PPP2R2C: variants seen among roughly 807,000 people sequenced by gnomAD.
The protein encoded by PPP2R2C is protein phosphatase 2, regulatory subunit B, gamma.
In PPP2R2C, 10 loss-of-function variants were observed where a neutral mutation model predicts 45.3. The ratio of observed to expected loss-of-function variants is 0.22; its 90% CI spans 0.14 to 0.37. PPP2R2C has a LOEUF of 0.37. Ranked by LOEUF, PPP2R2C falls within the 10% of genes least tolerant of loss-of-function variation. The pLI is 1.00. For missense variants in PPP2R2C, 308 were observed against 619.7 expected (o/e 0.50, Z 5.34); for synonymous variants, 257 against 245.4 (o/e 1.05, Z -0.44).
At chr4:6,448,739 C>T (rs1355459157) in intron 1 of PPP2R2C, among the ~76,000 whole-genome samples, 2 of 152,278 alleles carry the variant, frequency 1.3e-5, no homozygotes, top group Middle Eastern at 3.4e-3. Flanking sequence ...TCGTCACCCG[C>T]AAGCCCCTTT....
intron 1 of PPP2R2C, among the ~76,000 whole-genome samples, chr4:6,547,680 C>T (rs1275267805): frequency 2.0e-5 from 3 of 152,144 alleles, no homozygotes; most frequent in Non-Finnish European, 4.4e-5. Context: ...GGATAAAGGA[C>T]CCAGCGTCTG....
intron 1 of PPP2R2C, among the ~76,000 whole-genome samples, chr4:6,432,341 G>A (rs1392539967): frequency 6.6e-6 from 1 of 152,192 alleles, no homozygotes; most frequent in Non-Finnish European, 1.5e-5. Context: ...TGGACTGAAG[G>A]CCCCTCGACT....
At chr4:6,421,616 G>A (rs1718973635) in intron 1 of PPP2R2C, among the ~76,000 whole-genome samples, 1 of 152,116 alleles carries the variant, frequency 6.6e-6, no homozygotes, top group Admixed American at 6.6e-5. Context: ...TGGACCACAA[G>A]ACGATAAACC....
intron 1 of PPP2R2C, among the ~76,000 whole-genome samples, chr4:6,406,284 C>G (rs927625738): frequency 7.2e-5 from 11 of 152,192 alleles, no homozygotes; most frequent in African/African-American, 2.7e-4. Flanking sequence ...CCAGCACCTT[C>G]CATGGGGAAG....
At chr4:6,491,426 T>C (rs190634665) in intron 2 of PPP2R2C, among the ~76,000 whole-genome samples, 5 of 152,194 alleles carry the variant, frequency 3.3e-5, no homozygotes, top group Admixed American at 3.3e-4. Flanking sequence ...GGTATTCCCT[T>C]GGGGAACCAG....
At chr4:6,463,213 C>T (rs1055029929) in intron 1 of PPP2R2C, among the ~76,000 whole-genome samples, 1 of 152,248 alleles carries the variant, frequency 6.6e-6, no homozygotes, top group Non-Finnish European at 1.5e-5. Context: ...GTTGGGAGCT[C>T]GCTCTCTCTC....
At chr4:6,517,108 C>T in intron 2 of PPP2R2C, among the ~76,000 whole-genome samples, 1 of 152,174 alleles carries the variant, frequency 6.6e-6, no homozygotes, top group Non-Finnish European at 1.5e-5. Context: ...GGGAGGGAGA[C>T]CCTGATGCCA....
At chr4:6,460,290 T>C (rs1721257065) in intron 1 of PPP2R2C, among the ~76,000 whole-genome samples, 1 of 152,196 alleles carries the variant, frequency 6.6e-6, no homozygotes, top group Admixed American at 6.5e-5. Context: ...ATATGCCTGG[T>C]GTCCCTCTAA....
At chr4:6,562,884 G>A (rs1436764661) in intron 1 of PPP2R2C, among the ~76,000 whole-genome samples, 1 of 151,478 alleles carries the variant, frequency 6.6e-6, no homozygotes, top group East Asian at 2.0e-4. Context: ...CACTTCCCAG[G>A]GTGCGAGAGC....
chr4:6,492,729 T>G (rs1185239378), intron 2 of PPP2R2C, among the ~76,000 whole-genome samples: 1 of 152,152 alleles, frequency 6.6e-6, no homozygotes, highest in African/African-American at 2.4e-5. Flanking sequence ...CAGGCACTAC[T>G]TTCATGGAAT....
intron 1 of PPP2R2C, among the ~76,000 whole-genome samples, chr4:6,390,853 C>T (rs2109332259): frequency 6.6e-6 from 1 of 152,296 alleles, no homozygotes; most frequent in Non-Finnish European, 1.5e-5. Context: ...TTACTGAATT[C>T]CACTCTCGCT....
At chr4:6,444,358 A>G (rs1720310427) in intron 1 of PPP2R2C, among the ~76,000 whole-genome samples, 1 of 151,590 alleles carries the variant, frequency 6.6e-6, no homozygotes, top group African/African-American at 2.4e-5. Context: ...CACTGTTTTC[A>G]TACCCATTTT....
At chr4:6,369,592 C>T (rs1159921221) in intron 5 of PPP2R2C, among the ~76,000 whole-genome samples, 1 of 152,150 alleles carries the variant, frequency 6.6e-6, no homozygotes, top group Admixed American at 6.5e-5. Flanking sequence ...GGGCCCCTAC[C>T]CCAAGAGAAA....
At chr4:6,559,856 A>G in intron 1 of PPP2R2C, among the ~76,000 whole-genome samples, 1 of 152,206 alleles carries the variant, frequency 6.6e-6, no homozygotes, top group Non-Finnish European at 1.5e-5. Flanking sequence ...TGTTGTTCAT[A>G]AGCTGCCCAG....
At chr4:6,358,519 C>CA (rs74576376) in intron 5 of PPP2R2C, among the ~76,000 whole-genome samples, 41,752 of 132,482 alleles carry the variant, frequency 0.32, 6,439 homozygotes, top group African/African-American at 0.37. Flanking sequence ...TTCTGCACAG[C>CA]AAAAAAAAAA....
chr4:6,530,002 G>A (rs894785985), intron 2 of PPP2R2C, among the ~76,000 whole-genome samples: 12 of 152,160 alleles, frequency 7.9e-5, no homozygotes, highest in Non-Finnish European at 1.8e-4. Context: ...GCAGCTGGAT[G>A]AGTCCCAGAG....
intron 1 of PPP2R2C, chr4:6,382,591 C>T (rs1715882858): frequency 9.0e-6 from 11 of 1,216,556 alleles, no homozygotes; most frequent in South Asian, 7.7e-5. Context: ...CTATTGTTCA[C>T]TTGCTCAGGC....
At chr4:6,518,656 C>T (rs1374688122) in intron 2 of PPP2R2C, among the ~76,000 whole-genome samples, 1 of 152,132 alleles carries the variant, frequency 6.6e-6, no homozygotes, top group Non-Finnish European at 1.5e-5. Flanking sequence ...GGTGTGGTGG[C>T]TCAGGCCTGT....
chr4:6,504,273 T>C (rs983881287), intron 2 of PPP2R2C, among the ~76,000 whole-genome samples: 23 of 152,208 alleles, frequency 1.5e-4, no homozygotes, highest in African/African-American at 4.1e-4. Context: ...ATGGAGGATT[T>C]AGCTGCTACC....
Sources: gnomAD v4.1 joint callset for allele counts (sites outside exome capture counted in the v4.1 genomes callset) on GRCh38, gnomAD v4.1.1 for gene constraint, MANE v1.5 for transcripts, NCBI Gene and HGNC (gene_info 2026-07-23, HGNC 2026-07-21) for gene names.